Variants in MEI1 observed in about 807,000 individuals in gnomAD.
MEI1 encodes meiosis inhibitor protein 1.
In MEI1, 103 loss-of-function variants were observed where a neutral mutation model predicts 146.2. The ratio of observed to expected loss-of-function variants is 0.70; its 90% CI spans 0.60 to 0.83. The LOEUF is 0.83. MEI1 is among the 40% of genes least tolerant of loss of function. The pLI, the probability that MEI1 is intolerant of heterozygous loss-of-function variation, is 0.00. For missense variants in MEI1, 1,529 were observed against 1,533.0 expected, an observed-to-expected ratio of 1.00 and a Z score of 0.04; for synonymous variants, 652 against 628.2, an observed-to-expected ratio of 1.04 and a Z score of -0.57.
At position 41,795,893 on chromosome 22, in the gene MEI1, G is replaced by C. The variant is rs751707626; in HGVS notation, c.3779+46G>C. On this transcript the variant is annotated intron_variant, in intron 30 of 30. Coordinates refer to ENST00000401548, the MANE Select transcript of MEI1 (RefSeq NM_152513.4). This position sits in a 1 kb window ranked among gnomAD's most constrained non-coding sequence, Gnocchi z 4.2. ...GATGAAGGAGATGCCAAATCACTGG[G>C]TGTTTGGGGCTTCTCTTCCTGGGCC... 1.9e-6 allele frequency: 3 copies of C among 1,612,454 alleles called. No individual in the cohort carries two copies. The highest frequency in any genetic ancestry group is 2.5e-6 in the Non-Finnish European group (3 of 1,179,156).
At chr22:41,709,539 G>A (rs374604694) in intron 3 of MEI1, 59 of 554,868 alleles carry the variant, frequency 1.1e-4, no homozygotes, top group East Asian at 5.0e-4. Context: ...GGGATGCAGC[G>A]GCACACGGGC....
intron 26 of MEI1, among the ~76,000 whole-genome samples, chr22:41,787,709 T>TG (rs1300017567): frequency 6.6e-6 from 1 of 152,120 alleles, no homozygotes; most frequent in South Asian, 2.1e-4. Flanking sequence ...ACAGGAGGTG[T>TG]GGGGGGAATG....
chr22:41,717,464 AATT>A (rs2094882425), intron 5 of MEI1, among the ~76,000 whole-genome samples: 1 of 151,654 alleles, frequency 6.6e-6, no homozygotes, highest in Non-Finnish European at 1.5e-5. Context: ...TGCCCAGCCT[AATT>A]ATTATTATTT....
chr22:41,794,257 C>T, intron 27 of MEI1, 114 bp from the exon 28 acceptor site: 1 of 875,034 alleles, frequency 1.1e-6, no homozygotes, highest in Non-Finnish European at 1.9e-6. Flanking sequence ...TCAGCTTGTT[C>T]AGTGCCCTGT....
intron 5 of MEI1, among the ~76,000 whole-genome samples, chr22:41,717,666 AG>A (rs2070338700): frequency 1.5e-5 from 2 of 129,630 alleles, no homozygotes; most frequent in African/African-American, 6.1e-5. Flanking sequence ...CCTAGGCTGG[AG>A]TGTGGTGGCA....
At chr22:41,725,707 A>T (rs533583338) in intron 7 of MEI1, among the ~76,000 whole-genome samples, 58 of 152,086 alleles carry the variant, frequency 3.8e-4, no homozygotes, top group Admixed American at 1.9e-3. Context: ...TCCTCTCTTT[A>T]TCTGCTGATA....
chr22:41,754,807 C>T (rs2073989143), intron 17 of MEI1, among the ~76,000 whole-genome samples: 1 of 152,164 alleles, frequency 6.6e-6, no homozygotes, highest in African/African-American at 2.4e-5. Flanking sequence ...ATACAAAGCC[C>T]TGCTGTCATA....
chr22:41,774,749 A>G (rs966320870), intron 20 of MEI1, among the ~76,000 whole-genome samples: 4 of 152,240 alleles, frequency 2.6e-5, no homozygotes, highest in African/African-American at 9.6e-5. Context: ...TTGTAGAGGT[A>G]TAAATAATGT....
At chr22:41,706,686 C>T (rs1256634272) in intron 3 of MEI1, among the ~76,000 whole-genome samples, 1 of 150,418 alleles carries the variant, frequency 6.6e-6, no homozygotes, top group South Asian at 2.1e-4. Flanking sequence ...TGCACTCTAG[C>T]GTGGATGACA....
At chr22:41,782,761 G>A (rs186763564) in intron 24 of MEI1, among the ~76,000 whole-genome samples, 4 of 152,252 alleles carry the variant, frequency 2.6e-5, no homozygotes, top group Admixed American at 2.6e-4. Context: ...GAGGCTGCTG[G>A]GCTCATCCAG....
chr22:41,724,100 T>C (rs1490405176), intron 7 of MEI1, 27 bp downstream of exon 7: 1 of 1,612,748 alleles, frequency 6.2e-7, no homozygotes, highest in Admixed American at 1.7e-5. Flanking sequence ...TCCTGGTCTC[T>C]AGGTTCAATA....
chr22:41,770,440 A>T (rs945892276), intron 19 of MEI1, among the ~76,000 whole-genome samples: 1 of 151,984 alleles, frequency 6.6e-6, no homozygotes, highest in Non-Finnish European at 1.5e-5. Context: ...CCCAATCAAG[A>T]TAGTAAAAAA....
chr22:41,789,791 A>C (rs2076110493), intron 26 of MEI1, among the ~76,000 whole-genome samples: 1 of 152,200 alleles, frequency 6.6e-6, no homozygotes, highest in East Asian at 1.9e-4. Flanking sequence ...AGGGGAACCC[A>C]ACCTGAGAAG....
At chr22:41,702,829 G>A (rs1601612051) in intron 1 of MEI1, among the ~76,000 whole-genome samples, 2 of 151,786 alleles carry the variant, frequency 1.3e-5, no homozygotes, top group African/African-American at 4.8e-5. Flanking sequence ...CGCTATCTCG[G>A]CTCACTGCAA....
intron 14 of MEI1, among the ~76,000 whole-genome samples, chr22:41,746,972 C>G (rs988008011): frequency 2.0e-5 from 3 of 152,028 alleles, no homozygotes; most frequent in African/African-American, 7.2e-5. Flanking sequence ...AGAAGTAGAT[C>G]ATAGAATTAT....
At chr22:41,758,251 T>C in intron 17 of MEI1, 114 bp from the exon 18 acceptor site, 1 of 962,250 alleles carries the variant, frequency 1.0e-6, no homozygotes, top group East Asian at 2.6e-5. Context: ...CCCACTATAC[T>C]GCATTTACCC....
intron 6 of MEI1, chr22:41,722,111 TA>T: frequency 6.6e-6 from 1 of 151,638 alleles, no homozygotes; most frequent in South Asian, 2.1e-4. Context: ...ACGGGAGTGC[TA>T]ACCTTCTTTC....
In MEI1 at chr22:41,763,150, A is replaced by G. The variant is rs946664082; in HGVS notation, c.2121-24A>G. ...GTGGCCTGCCAACTCTGCCTTTCTC[A>G]CTCAGGCTTTTCTTGGTTGACAGGT... On this transcript the variant is annotated intron_variant, in intron 18 of 30. Coordinates refer to ENST00000401548, the MANE Select transcript of MEI1 (RefSeq NM_152513.4). 4 of 1,611,498 alleles carry G rather than the reference A, an allele frequency of 2.5e-6. No individual in the cohort carries two copies. In the African/African-American group the frequency reaches 4.0e-5, roughly 16 times the overall value.
At chr22:41,772,475 C>T (rs907449990) in intron 20 of MEI1, among the ~76,000 whole-genome samples, 3 of 152,162 alleles carry the variant, frequency 2.0e-5, no homozygotes, top group Non-Finnish European at 4.4e-5. Flanking sequence ...GCATGTGCTA[C>T]TGTGTCTGGC....
Sources: allele counts gnomAD v4.1 joint callset (sites outside exome capture counted in the v4.1 genomes callset), GRCh38; gene constraint gnomAD v4.1.1; non-coding constraint Gnocchi (gnomAD v3.1); transcripts MANE v1.5; gene names NCBI Gene and HGNC (gene_info 2026-07-23, HGNC 2026-07-21).